Variants in FKBP9 observed in about 807,000 individuals in gnomAD.
The protein encoded by FKBP9 is peptidyl-prolyl cis-trans isomerase FKBP9.
FKBP9 carries 27 observed loss-of-function variants against 55.6 expected under a neutral mutation model. That is an observed-to-expected ratio of 0.49 (90% CI 0.36 to 0.67). The LOEUF is 0.67. Among genes scored for constraint, FKBP9 ranks in the 30% least tolerant of loss-of-function variants. FKBP9 has a pLI of 0.00. For synonymous variants in FKBP9, 267 were observed against 296.5 expected (o/e 0.90, Z 1.02); for missense variants, 539 against 742.8 (o/e 0.73, Z 3.19).
In FKBP9 at chr7:33,005,292, A is replaced by G; in HGVS notation, c.1654A>G (p.Lys552Glu). 2 of 1,614,220 alleles carry G rather than the reference A, an allele frequency of 1.2e-6. No individual in the cohort carries two copies. The highest frequency in any genetic ancestry group is 8.5e-7 in the Non-Finnish European group (1 of 1,180,036). ...FTNQDRNGDG[K>E]VTAEEFKLKD... ...CAACCAGGACCGGAATGGAGATGGGAAGGTCACAGCCGAGGAATTTAAACT... is the reference window on the plus strand; with the variant it reads ...CAACCAGGACCGGAATGGAGATGGGGAGGTCACAGCCGAGGAATTTAAACT... The change falls in exon 10 of 10, where the codon AAG (lysine) becomes GAG (glutamate). Residue 552 changes from lysine (K) to glutamate (E), a missense_variant. Physicochemically the swap from Lys to Glu is moderately conservative, Grantham distance 56. Transcript: ENST00000242209.
At chr7:32,974,528 T>A in intron 1 of FKBP9, 89 bp from the exon 2 acceptor site, 1 of 1,167,492 alleles carries the variant, frequency 8.6e-7, no homozygotes, top group Non-Finnish European at 1.3e-6. Flanking sequence ...CCCCATTACA[T>A]CTGTGGGCAC....
At chr7:32,991,593 T>C (rs1343992638) in intron 6 of FKBP9, among the ~76,000 whole-genome samples, 1 of 151,722 alleles carries the variant, frequency 6.6e-6, no homozygotes, top group African/African-American at 2.4e-5. Context: ...GGGCTGACCG[T>C]GTGCTCTCAG....
At chr7:32,968,575 CTT>C (rs571695241) in intron 1 of FKBP9, among the ~76,000 whole-genome samples, 18 of 142,476 alleles carry the variant, frequency 1.3e-4, no homozygotes, top group Admixed American at 1.4e-4. Context: ...CTTTTTCTTT[CTT>C]TTTTTTTTTT....
chr7:32,968,311 G>A (rs1041740971), intron 1 of FKBP9, among the ~76,000 whole-genome samples: 10 of 152,234 alleles, frequency 6.6e-5, no homozygotes, highest in Non-Finnish European at 8.8e-5. Flanking sequence ...GAGCCACTGC[G>A]TCCGGCCTGA....
intron 1 of FKBP9, among the ~76,000 whole-genome samples, chr7:32,966,477 C>T (rs564726071): frequency 1.2e-4 from 19 of 152,214 alleles, no homozygotes; most frequent in African/African-American, 4.6e-4. Context: ...TTTCTAGGTC[C>T]ACCCTTCACC....
Position 33,005,246 on chromosome 7 carries a change from G to A in FKBP9, c.1608G>A (p.Leu536=). The A allele has an allele frequency of 1.2e-6, 2 of 1,614,196 alleles. No homozygotes were observed. The highest frequency in any genetic ancestry group is 1.1e-5 in the South Asian group (1 of 91,082). Residue 536 remains leucine (L), a synonymous_variant, in exon 10 of 10, where the codon CTG becomes CTA. Coordinates refer to ENST00000242209, the MANE Select transcript of FKBP9 (RefSeq NM_007270.5). The part of the protein sequence containing the change: ...GKLAPGFDAE[L]IVKNMFTNQD... ...TCGCTCCTGGCTTTGATGCTGAGCT[G>A]ATTGTGAAGAATATGTTCACCAACC...
At position 32,957,679 on chromosome 7, in the gene FKBP9, C is replaced by A; in HGVS notation, c.106C>A (p.Leu36Met). The A allele has an allele frequency of 6.6e-7, 1 of 1,524,746 alleles. No individual in the cohort carries two copies. Among genetic ancestry groups the A allele is most frequent in the Non-Finnish European group, 8.7e-7 (1 of 1,144,896 alleles). The allele number at this position is 1,524,746 out of a possible 1,614,324, so 94.5% of individuals were successfully genotyped here. Reference protein sequence around the residue: ...PVAGLGSDAELQIERRFVPDE... With the variant: ...PVAGLGSDAEMQIERRFVPDE... ...GGCGGGCCTGGGCTCCGACGCGGAGCTGCAGATCGAGCGGCGCTTCGTGCC... is the reference window on the plus strand; with the variant it reads ...GGCGGGCCTGGGCTCCGACGCGGAGATGCAGATCGAGCGGCGCTTCGTGCC... Residue 36 changes from leucine to methionine, a missense_variant, in exon 1 of 10, where the codon CTG (leucine) becomes ATG (methionine). Leu to Met is a conservative substitution (Grantham distance 15). This residue lies in a region of FKBP9 where 236 missense variants were observed against 271.5 expected (regional missense o/e 0.87). Transcript: ENST00000242209.
Position 32,974,757 on chromosome 7 carries a change from G to A in FKBP9, c.362G>A (p.Gly121Glu), listed in dbSNP as rs749184146. The A allele has an allele frequency of 6.2e-7, 1 of 1,613,260 alleles. No individual in the cohort carries two copies. The highest frequency in any genetic ancestry group is 1.7e-5 in the Admixed American group (1 of 59,826). The change falls in exon 2 of 10, where the codon GGA becomes GAA. Residue 121 changes from glycine to glutamate, a missense_variant. By Grantham distance (98) the Gly-to-Glu change is moderately conservative (BLOSUM62 -2). Transcript: ENST00000242209. ...IPPKLAYGNE[G>E]VSGVIPPNSV... is the part of the protein sequence containing the mutation. ...CCAAAGCTTGCCTACGGAAATGAAG[G>A]AGTTTGTAAGCTTTTCTTCCTCGTT... is the stretch of plus-strand genomic sequence containing the variant.
At chr7:32,985,360 A>G (rs1288768414) in intron 5 of FKBP9, among the ~76,000 whole-genome samples, 2 of 151,290 alleles carry the variant, frequency 1.3e-5, no homozygotes, top group Non-Finnish European at 2.9e-5. Context: ...TAGTATTTTT[A>G]GTAGAGATGG....
intron 7 of FKBP9, among the ~76,000 whole-genome samples, chr7:32,999,574 G>A (rs1212885727): frequency 1.3e-5 from 2 of 151,096 alleles, no homozygotes; most frequent in Non-Finnish European, 2.9e-5. Flanking sequence ...CCTCCACTGT[G>A]CCAAGCATAA....
intron 1 of FKBP9, among the ~76,000 whole-genome samples, chr7:32,970,030 A>G (rs562087549): frequency 1.3e-4 from 20 of 150,456 alleles, no homozygotes; most frequent in African/African-American, 4.0e-4. Flanking sequence ...TATGAATTTT[A>G]GTTTAGTTTT....
At chr7:33,005,067 C>T (rs905039698) in intron 9 of FKBP9, 108 bp from the exon 10 acceptor site, 1 of 1,485,458 alleles carries the variant, frequency 6.7e-7, no homozygotes, top group East Asian at 2.3e-5. Flanking sequence ...GTTGGTAGCC[C>T]AGACTCAAGT....
intron 7 of FKBP9, among the ~76,000 whole-genome samples, chr7:32,996,580 G>A (rs1375998604): frequency 4.0e-5 from 6 of 151,056 alleles, no homozygotes; most frequent in Non-Finnish European, 7.4e-5. Context: ...TTTCTGAAAA[G>A]CAGATCTCAT....
In FKBP9 at chr7:32,957,735, C is replaced by T; in HGVS notation, c.162C>T (p.Gly54=). The change falls in exon 1 of 10, where the codon GGC becomes GGT. Residue 54 remains glycine (G), a synonymous_variant. Transcript: ENST00000242209. ...AGTGCCCGCGCACCGTGCGCAGCGG[C>T]GACTTCGTGCGCTACCACTACGTGG... ...PDECPRTVRS[G]DFVRYHYVGT... is the part of the protein sequence containing the mutation. The T allele has an allele frequency of 6.6e-7, 1 of 1,520,006 alleles. No homozygotes were observed. The highest frequency in any genetic ancestry group is 8.8e-7 in the Non-Finnish European group (1 of 1,137,654). 94.2% of individuals were successfully genotyped at this position (1,520,006 alleles called of 1,614,324 possible).
intron 6 of FKBP9, among the ~76,000 whole-genome samples, chr7:32,995,830 C>T (rs1320761745): frequency 2.6e-5 from 4 of 152,146 alleles, no homozygotes; most frequent in Non-Finnish European, 5.9e-5. Flanking sequence ...TTTGAGTTTC[C>T]TCATCTGTGA....
intron 1 of FKBP9, among the ~76,000 whole-genome samples, chr7:32,974,199 C>T (rs199650103): frequency 1.4e-5 from 2 of 147,838 alleles, no homozygotes; most frequent in Non-Finnish European, 3.0e-5. Context: ...TTAGTAGAGG[C>T]GGGGGGGCCT....
rs188891616 is a variant in FKBP9 at position 32,997,063 on chromosome 7, G to C, written c.1226+714G>C. Among the ~76,000 whole-genome samples, 16 of 151,726 alleles carry C rather than the reference G, an allele frequency of 1.1e-4. 1 individual carries two copies. In the East Asian group the frequency reaches 3.0e-3, roughly 28 times the overall value. The stretch of plus-strand genomic sequence containing the variant: ...CCCGCCTCGGCCTCCCAAAGTGCTG[G>C]GATTACAGGCGTGAGCCTCCGCGCC... On this transcript the variant is annotated intron_variant, in intron 7 of 9. Coordinates refer to ENST00000242209, the MANE Select transcript of FKBP9 (RefSeq NM_007270.5).
At chr7:32,990,520 G>A (rs1784660011) in intron 6 of FKBP9, among the ~76,000 whole-genome samples, 1 of 152,168 alleles carries the variant, frequency 6.6e-6, no homozygotes, top group South Asian at 2.1e-4. Context: ...CAGCCATGAA[G>A]TGAATGTCCT....
chr7:32,966,383 CT>C (rs1418939197), intron 1 of FKBP9, among the ~76,000 whole-genome samples: 4 of 152,154 alleles, frequency 2.6e-5, no homozygotes, highest in African/African-American at 7.2e-5. Flanking sequence ...CATCACCCCC[CT>C]GGGGCAGTGA....
Sources: allele counts gnomAD v4.1 joint callset (sites outside exome capture counted in the v4.1 genomes callset), GRCh38; gene constraint gnomAD v4.1.1; regional missense constraint gnomAD v4.1.1; transcripts MANE v1.5; gene names NCBI Gene and HGNC (gene_info 2026-07-23, HGNC 2026-07-21).